AKAP9: variants seen among roughly 807,000 people sequenced by gnomAD.
AKAP9 encodes the protein A-kinase anchoring protein 9.
In AKAP9, 311 loss-of-function variants were observed where a neutral mutation model predicts 488.5. The observed-to-expected ratio is 0.64, with a 90% CI of 0.58 to 0.70. The LOEUF is 0.70. AKAP9 is among the 30% of genes least tolerant of loss of function. The probability of loss-of-function intolerance (pLI) is 0.00; values close to 1 mark genes in which losing one functional copy is unlikely to be tolerated. For synonymous variants in AKAP9, 1,462 were observed against 1,483.5 expected (o/e 0.99, Z 0.33); for missense variants, 4,215 against 4,374.5 (o/e 0.96, Z 1.03).
At chr7:92,042,818 T>G (rs1041511028) in intron 20 of AKAP9, 47 bp downstream of exon 20, 1 of 1,262,834 alleles carries the variant, frequency 7.9e-7, no homozygotes, top group Non-Finnish European at 1.2e-6. Flanking sequence ...TTAAAATGGT[T>G]GTTTCAATGT....
chr7:91,986,962 A>G (rs987688468), intron 3 of AKAP9, among the ~76,000 whole-genome samples: 4 of 151,868 alleles, frequency 2.6e-5, no homozygotes, highest in Non-Finnish European at 4.4e-5. Flanking sequence ...ATACATATGC[A>G]TACTTTTTTC....
At chr7:91,993,703 A>G (rs2130640358) in intron 5 of AKAP9, among the ~76,000 whole-genome samples, 1 of 152,392 alleles carries the variant, frequency 6.6e-6, no homozygotes, top group Admixed American at 6.5e-5. Context: ...CAGGGTTAAT[A>G]TAACACAGAC....
At chr7:92,096,642 T>G in intron 40 of AKAP9, 47 bp from the exon 41 acceptor site, 2 of 1,609,574 alleles carry the variant, frequency 1.2e-6, no homozygotes, top group Non-Finnish European at 1.7e-6. Flanking sequence ...CGGCCAAGTA[T>G]TTTTAATAAT....
At chr7:92,099,967 C>A in intron 44 of AKAP9, 98 bp downstream of exon 44, 2 of 1,150,024 alleles carry the variant, frequency 1.7e-6, no homozygotes, top group Non-Finnish European at 2.6e-6. Flanking sequence ...GTAAAACTAT[C>A]ACACACCTGA....
chr7:92,040,663 T>TTTTTTTTAA lies in AKAP9; in HGVS notation c.4693-11_4693-10insTTTTTTTAA. On this transcript the variant is annotated splice_polypyrimidine_tract_variant and intron_variant, in intron 17 of 49. Transcript: ENST00000356239. Reference sequence around the variant, plus strand: ...GTTGAATTGTTTTTTTTTTTTTTTTTACTATTAAAGATTCATGATGAGATT... The same window carrying TTTTTTTTAA: ...GTTGAATTGTTTTTTTTTTTTTTTTTTTTTTTTAAACTATTAAAGATTCATGATGAGATT... The TTTTTTTTAA allele has an allele frequency of 6.7e-7, 1 of 1,485,850 alleles. No homozygotes were observed. The highest frequency in any genetic ancestry group is 1.2e-5 in the South Asian group (1 of 80,994). The allele number at this position is 1,485,850 out of a possible 1,614,324, so 92.0% of individuals were successfully genotyped here. A position where few individuals can be genotyped will look rare whatever the true frequency, so the allele number is the denominator to read the frequency against.
intron 22 of AKAP9, among the ~76,000 whole-genome samples, chr7:92,055,261 ATAAGT>A (rs1346770461): frequency 1.3e-5 from 2 of 152,104 alleles, no homozygotes; most frequent in Admixed American, 6.6e-5. Context: ...AAGCAGTAGT[ATAAGT>A]TAAGATTTTG....
intron 33 of AKAP9, among the ~76,000 whole-genome samples, chr7:92,083,957 C>T (rs1420597162): frequency 6.6e-6 from 1 of 152,144 alleles, no homozygotes; most frequent in Non-Finnish European, 1.5e-5. Flanking sequence ...AGGTATTTCT[C>T]CTAAAGCTGT....
rs201958512 is a variant in AKAP9 at position 92,085,556 on chromosome 7, A to C, written c.8894A>C (p.Tyr2965Ser). The C allele has an allele frequency of 6.2e-7, 1 of 1,614,022 alleles. No individual in the cohort carries two copies. Among genetic ancestry groups the C allele is most frequent in the Middle Eastern group, 1.6e-4 (1 of 6,062 alleles). ...GTGCTTTCTCTCACTGAGTCTCCCT[A>C]TAGTGATGGAGAGGACCATTCTATT... The part of the protein sequence containing the change: ...MQVLSLTESP[Y>S]SDGEDHSIQQ... Residue 2965 changes from tyrosine (Y) to serine (S), a missense_variant, in exon 36 of 50, where the codon TAT (tyrosine) becomes TCT (serine). By Grantham distance (144) the Tyr-to-Ser change is moderately radical. This residue lies in a region of AKAP9 where 1,476 missense variants were observed against 1,477.4 expected (regional missense o/e 1.00). Coordinates refer to ENST00000356239, the MANE Select transcript of AKAP9 (RefSeq NM_005751.5).
intron 48 of AKAP9, 69 bp from the exon 49 acceptor site, chr7:92,108,425 A>G: frequency 6.5e-7 from 1 of 1,528,600 alleles, no homozygotes; most frequent in East Asian, 2.2e-5. Context: ...AAGGGAGTGG[A>G]GGCAGGTTGG....
chr7:92,094,921 T>G, intron 39 of AKAP9, 102 bp from the exon 40 acceptor site: 1 of 979,184 alleles, frequency 1.0e-6, no homozygotes, highest in Non-Finnish European at 1.6e-6. Context: ...CTTAGCTAGT[T>G]TATTATATGC....
chr7:92,005,841 G>A (rs1262696497), intron 8 of AKAP9, among the ~76,000 whole-genome samples: 1 of 151,020 alleles, frequency 6.6e-6, no homozygotes, highest in Non-Finnish European at 1.5e-5. Flanking sequence ...GGTAATTTTT[G>A]TATTTTTAGT....
chr7:92,014,127 G>A, intron 9 of AKAP9, 122 bp from the exon 10 acceptor site: 1 of 732,932 alleles, frequency 1.4e-6, no homozygotes. Context: ...ATAACTCAAA[G>A]AAATAAAGAA....
intron 6 of AKAP9, 27 bp downstream of exon 6, chr7:91,994,803 C>A: frequency 6.3e-7 from 1 of 1,586,408 alleles, no homozygotes; most frequent in South Asian, 1.2e-5. Flanking sequence ...CAACAAAATT[C>A]ATTATTTTTT....
chr7:92,034,498 A>ATTTT (rs59961119), intron 16 of AKAP9, among the ~76,000 whole-genome samples: 23 of 95,426 alleles, frequency 2.4e-4, no homozygotes, highest in East Asian at 6.3e-4. Context: ...ATATATATAT[A>ATTTT]TTTTTTTTTT....
chr7:92,027,380 C>T (rs1176484486), intron 14 of AKAP9, among the ~76,000 whole-genome samples: 11 of 143,488 alleles, frequency 7.7e-5, no homozygotes, highest in Non-Finnish European at 1.1e-4. Context: ...ATGTGAGGAG[C>T]GCCTCTGCCC....
intron 7 of AKAP9, among the ~76,000 whole-genome samples, chr7:91,998,927 A>G (rs1798769000): frequency 6.6e-6 from 1 of 152,164 alleles, no homozygotes; most frequent in African/African-American, 2.4e-5. Context: ...AAACACTGGG[A>G]TTAAAGGAGA....
intron 21 of AKAP9, among the ~76,000 whole-genome samples, chr7:92,049,562 G>A (rs918640010): frequency 6.6e-6 from 1 of 152,044 alleles, no homozygotes; most frequent in Non-Finnish European, 1.5e-5. Flanking sequence ...AGTGAGCGGA[G>A]ATCCAGCTAC....
chr7:92,052,728 A>G lies in AKAP9; in HGVS notation c.5371A>G (p.Thr1791Ala). Reference sequence around the variant, plus strand: ...CCTTTAAAACACTGTTATTCTAGTTACAGATGAATCCATTCCCTCTTATTC... The same window carrying G: ...CCTTTAAAACACTGTTATTCTAGTTGCAGATGAATCCATTCCCTCTTATTC... ...SCVHEEHTRV[T>A]DESIPSYSGS... Residue 1791 changes from threonine to alanine, a missense_variant and splice_region_variant, in exon 22 of 50, where the codon ACA becomes GCA. Around this residue, in one of 5 missense-constraint regions of AKAP9, gnomAD observed 2,361 missense variants for 2,430.0 expected, o/e 0.97. Coordinates refer to ENST00000356239, the MANE Select transcript of AKAP9 (RefSeq NM_005751.5). The G allele has an allele frequency of 6.2e-7, 1 of 1,601,964 alleles. No individual in the cohort carries two copies. The highest frequency in any genetic ancestry group is 1.1e-5 in the South Asian group (1 of 90,766).
intron 1 of AKAP9, among the ~76,000 whole-genome samples, chr7:91,969,662 CTTCT>C: frequency 6.6e-6 from 1 of 152,006 alleles, no homozygotes; most frequent in East Asian, 1.9e-4. Context: ...ATATAATGAC[CTTCT>C]TTGTCTCTTT....
Sources: allele counts gnomAD v4.1 joint callset (sites outside exome capture counted in the v4.1 genomes callset), GRCh38; gene constraint gnomAD v4.1.1; regional missense constraint gnomAD v4.1.1; transcripts MANE v1.5; gene names NCBI Gene and HGNC (gene_info 2026-07-23, HGNC 2026-07-21).